RNF32: variants seen among roughly 807,000 people sequenced by gnomAD.
RNF32 encodes the protein ring finger protein 32.
A neutral mutation model predicts 41.0 loss-of-function variants in RNF32; 36 were observed. The ratio of observed to expected loss-of-function variants is 0.88; its 90% CI spans 0.67 to 1.16. The LOEUF (loss-of-function observed/expected upper bound fraction) is 1.16, where lower values mean the gene tolerates loss of function less well. Among genes scored for constraint, RNF32 ranks in the 50% most tolerant of loss-of-function variants. RNF32 has a pLI of 0.00. For missense variants in RNF32, 413 were observed against 436.7 expected, an observed-to-expected ratio of 0.95 and a Z score of 0.48; for synonymous variants, 154 against 160.9, an observed-to-expected ratio of 0.96 and a Z score of 0.32.
intron 7 of RNF32, chr7:156,659,328 G>T (rs1338866828): frequency 3.8e-5 from 38 of 988,840 alleles, no homozygotes; most frequent in Non-Finnish European, 4.4e-5. Context: ...CCTAGAATAT[G>T]GAGATGAGTT....
chr7:156,662,116 A>G (rs1168243134), intron 7 of RNF32, among the ~76,000 whole-genome samples: 1 of 152,230 alleles, frequency 6.6e-6, no homozygotes, highest in Non-Finnish European at 1.5e-5. Context: ...TATTAGCAGT[A>G]GGTAGTAGGT....
intron 7 of RNF32, among the ~76,000 whole-genome samples, chr7:156,660,884 T>C (rs1015697935): frequency 7.9e-5 from 12 of 152,224 alleles, no homozygotes; most frequent in African/African-American, 2.9e-4. Context: ...CATCAGTCAG[T>C]ACATGGAAGT....
At chr7:156,660,354 T>G (rs1388231739) in intron 7 of RNF32, 1 of 935,858 alleles carries the variant, frequency 1.1e-6, no homozygotes, top group Non-Finnish European at 1.3e-6. Context: ...TATTCTAGCT[T>G]GTATATTACA....
intron 7 of RNF32, among the ~76,000 whole-genome samples, chr7:156,661,766 C>T (rs935903985): frequency 6.6e-6 from 1 of 152,216 alleles, no homozygotes; most frequent in African/African-American, 2.4e-5. Flanking sequence ...AGTGCTGGGC[C>T]TACTACATTA....
intron 2 of RNF32, among the ~76,000 whole-genome samples, chr7:156,644,224 G>A (rs568991291): frequency 6.6e-6 from 1 of 152,228 alleles, no homozygotes; most frequent in South Asian, 2.1e-4. Context: ...GAAGCAGCGT[G>A]GGTTTGTTTA....
intron 7 of RNF32, chr7:156,660,162 A>C (rs529151612): frequency 2.0e-6 from 2 of 985,124 alleles, no homozygotes; most frequent in Non-Finnish European, 2.4e-6. Context: ...TTCTGAGCAC[A>C]CTCTTGCCCG....
chr7:156,640,399 A>G (rs1428188458), upstream of RNF32: 5 of 427,284 alleles, frequency 1.2e-5, no homozygotes, highest in Admixed American at 5.4e-5. Flanking sequence ...ACTACAGCGA[A>G]GCCGGCGCGG....
chr7:156,660,744 ACT>A (rs1330784856), intron 7 of RNF32, among the ~76,000 whole-genome samples: 3 of 152,158 alleles, frequency 2.0e-5, no homozygotes, highest in Non-Finnish European at 4.4e-5. Context: ...AAAGAAGTTG[ACT>A]CTGACTGATA....
intron 3 of RNF32, chr7:156,646,439 T>G: frequency 7.7e-7 from 1 of 1,303,888 alleles, no homozygotes; most frequent in Non-Finnish European, 1.0e-6. Context: ...ACTCTCCCTT[T>G]CCTCTTCTTA....
At chr7:156,647,277 C>A (rs2131364489) in intron 3 of RNF32, among the ~76,000 whole-genome samples, 1 of 151,960 alleles carries the variant, frequency 6.6e-6, no homozygotes, top group Admixed American at 6.6e-5. Context: ...GTGGTGAATT[C>A]TGAGATTTTA....
intron 1 of RNF32, among the ~76,000 whole-genome samples, chr7:156,643,453 A>G (rs535653402): frequency 6.6e-6 from 1 of 152,276 alleles, no homozygotes; most frequent in African/African-American, 2.4e-5. Context: ...TATCTTTCAA[A>G]TGCCAGTTTA....
intron 7 of RNF32, among the ~76,000 whole-genome samples, chr7:156,674,673 C>T (rs2131730490): frequency 6.6e-6 from 1 of 152,138 alleles, no homozygotes; most frequent in Middle Eastern, 3.4e-3. Flanking sequence ...GATGCTGTCT[C>T]CACCAAACCA....
chr7:156,656,239 A>G (rs952085937), intron 4 of RNF32, among the ~76,000 whole-genome samples: 1 of 152,246 alleles, frequency 6.6e-6, no homozygotes, highest in Non-Finnish European at 1.5e-5. Flanking sequence ...GCTGGAATCC[A>G]ATCCTAACTT....
chr7:156,676,408 G>A lies in RNF32; in HGVS notation c.853-11G>A, dbSNP rs1804053713. Reference sequence around the variant, plus strand: ...AACCCGCGTGGCCTCTTCCCGTCCTGTGTGCCGCAGGCTCTGCGCCGGGAG... The same window carrying A: ...AACCCGCGTGGCCTCTTCCCGTCCTATGTGCCGCAGGCTCTGCGCCGGGAG... On this transcript the variant is annotated splice_polypyrimidine_tract_variant and intron_variant, in intron 8 of 8. Coordinates refer to ENST00000317955, the MANE Select transcript of RNF32 (RefSeq NM_030936.4). 2 of 1,613,956 alleles carry A rather than the reference G, an allele frequency of 1.2e-6. No individual in the cohort carries two copies. Among genetic ancestry groups the A allele is most frequent in the Non-Finnish European group, 8.5e-7 (1 of 1,179,992 alleles).
chr7:156,656,732 T>A (rs1745616304), intron 4 of RNF32, among the ~76,000 whole-genome samples: 1 of 152,222 alleles, frequency 6.6e-6, no homozygotes, highest in South Asian at 2.1e-4. Context: ...CAAGTCAGAT[T>A]CTTGACAAAA....
At chr7:156,676,065 C>A (rs2365514) in intron 8 of RNF32, among the ~76,000 whole-genome samples, 2 of 149,964 alleles carry the variant, frequency 1.3e-5, no homozygotes, top group African/African-American at 5.0e-5. Context: ...GTGTCAGTCC[C>A]GGGGTAACCG....
chr7:156,656,834 G>A (rs1329128177), intron 4 of RNF32, among the ~76,000 whole-genome samples: 1 of 152,244 alleles, frequency 6.6e-6, no homozygotes, highest in Admixed American at 6.5e-5. Flanking sequence ...CCCCTCCCAA[G>A]GGAAGCAGGA....
chr7:156,674,890 T>C (rs1803465080), intron 7 of RNF32, among the ~76,000 whole-genome samples: 1 of 152,186 alleles, frequency 6.6e-6, no homozygotes. Context: ...ATTCGAACTT[T>C]TCTCTCAACT....
At position 156,676,449 on chromosome 7, in the gene RNF32, A is replaced by C. The variant is rs1367786750; in HGVS notation, c.883A>C (p.Ile295Leu). ...GCGCCGGGAGACCCACGAGTGCTCC[A>C]TCTGCCTGGCCCCTCTCTCCGCTGC... is the stretch of plus-strand genomic sequence containing the variant. The part of the protein sequence containing the change: ...ALRRETHECS[I>L]CLAPLSAAGG... Residue 295 changes from isoleucine (I) to leucine (L), a missense_variant, in exon 9 of 9, where the codon ATC becomes CTC. Coordinates refer to ENST00000317955, the MANE Select transcript of RNF32 (RefSeq NM_030936.4). The C allele has an allele frequency of 1.9e-6, 3 of 1,614,062 alleles. No homozygotes were observed. Among genetic ancestry groups the C allele is most frequent in the Non-Finnish European group, 2.5e-6 (3 of 1,179,956 alleles).
Sources: allele counts gnomAD v4.1 joint callset (sites outside exome capture counted in the v4.1 genomes callset), GRCh38; gene constraint gnomAD v4.1.1; transcripts MANE v1.5; gene names NCBI Gene and HGNC (gene_info 2026-07-23, HGNC 2026-07-21).